NCAPH: variants seen among roughly 807,000 people sequenced by gnomAD.
NCAPH encodes non-SMC condensin I complex subunit H.
In NCAPH, 38 loss-of-function variants were observed where a neutral mutation model predicts 85.5. The observed-to-expected ratio is 0.44, with a 90% CI of 0.34 to 0.58. The LOEUF (loss-of-function observed/expected upper bound fraction) is 0.58, where lower values mean the gene tolerates loss of function less well. NCAPH is among the 20% of genes least tolerant of loss of function. NCAPH has a pLI of 0.01. For synonymous variants in NCAPH, 301 were observed against 335.1 expected (o/e 0.90, Z 1.11); for missense variants, 789 against 916.6 (o/e 0.86, Z 1.80).
In NCAPH at chr2:96,366,043, AGCT is replaced by A. The variant is rs771784061; in HGVS notation, c.1868_1870del (p.Ala623del). 3 of 1,614,234 alleles carry A rather than the reference AGCT, an allele frequency of 1.9e-6. No homozygotes were observed. In the Admixed American group the frequency reaches 5.0e-5, roughly 27 times the overall value. On this transcript the variant is annotated inframe_deletion, in exon 14 of 18. Coordinates refer to ENST00000240423, the MANE Select transcript of NCAPH (RefSeq NM_015341.5). ...CAACATATGGGGAGTCAAACTTGGT[AGCT>A]GAGCCTCAGAAGGTACGGATGAAAC...
chr2:96,374,559 T>C lies in NCAPH; in HGVS notation c.*1208T>C, dbSNP rs572611442. On this transcript the variant is annotated 3_prime_UTR_variant, in exon 18 of 18. Transcript: ENST00000240423. ...AAGCAGTGAAGTATATAATTGGAAATTGCTCCTGATAATAACTTCCTTCTT... is the reference window on the plus strand; with the variant it reads ...AAGCAGTGAAGTATATAATTGGAAACTGCTCCTGATAATAACTTCCTTCTT... Among the ~76,000 whole-genome samples the C allele has an allele frequency of 1.3e-5, 2 of 152,266 alleles. No homozygotes were observed. Among genetic ancestry groups the C allele is most frequent in the Admixed American group, 6.5e-5 (1 of 15,298 alleles).
chr2:96,357,107 A>C (rs1287900629), intron 9 of NCAPH, among the ~76,000 whole-genome samples: 1 of 152,222 alleles, frequency 6.6e-6, no homozygotes, highest in East Asian at 1.9e-4. Flanking sequence ...TCGGAGGTCA[A>C]AGCCCAGAAC....
At chr2:96,348,705 G>T (rs922746366) in intron 6 of NCAPH, among the ~76,000 whole-genome samples, 1 of 151,882 alleles carries the variant, frequency 6.6e-6, no homozygotes, top group South Asian at 2.1e-4. Flanking sequence ...GCCCAGGCTG[G>T]AGTGCAGTGG....
Position 96,359,066 on chromosome 2 carries a change from G to C in NCAPH, c.1230G>C (p.Gly410=). ...QSCQEEMISL[G]DGDIRTMCPL... ...ACAGGGAAGAAATGATTTCCCTTGG[G>C]GATGGAGACATCAGGACCATGTGCC... is the stretch of plus-strand genomic sequence containing the variant. The change falls in exon 10 of 18, where the codon GGG becomes GGC. Residue 410 remains glycine (G), a synonymous_variant. Coordinates refer to ENST00000240423, the MANE Select transcript of NCAPH (RefSeq NM_015341.5). 1 of 1,614,108 alleles carries C rather than the reference G, an allele frequency of 6.2e-7. No individual in the cohort carries two copies. The highest frequency in any genetic ancestry group is 8.5e-7 in the Non-Finnish European group (1 of 1,179,988).
chr2:96,362,875 A>T (rs1232479244), intron 12 of NCAPH, among the ~76,000 whole-genome samples: 2 of 152,188 alleles, frequency 1.3e-5, no homozygotes, highest in Non-Finnish European at 2.9e-5. Flanking sequence ...AAAGATTTAG[A>T]ATGTTACATA....
chr2:96,369,120 G>C (rs767940613), intron 16 of NCAPH, 57 bp downstream of exon 16: 2 of 1,492,430 alleles, frequency 1.3e-6, no homozygotes, highest in Non-Finnish European at 1.8e-6. Flanking sequence ...AGCTGTCCGC[G>C]TGGCAGGCCT....
At chr2:96,350,524 G>C (rs148262752) in intron 6 of NCAPH, among the ~76,000 whole-genome samples, 1 of 152,172 alleles carries the variant, frequency 6.6e-6, no homozygotes, top group Non-Finnish European at 1.5e-5. Flanking sequence ...TTTAGGATGG[G>C]AATTGGGAGA....
At chr2:96,340,004 C>T (rs1236790827) in intron 1 of NCAPH, among the ~76,000 whole-genome samples, 1 of 152,116 alleles carries the variant, frequency 6.6e-6, no homozygotes, top group African/African-American at 2.4e-5. Context: ...CTCACTACAG[C>T]CTCCGTCTCC....
intron 1 of NCAPH, among the ~76,000 whole-genome samples, chr2:96,338,715 A>C (rs139724890): frequency 1.4e-4 from 21 of 152,260 alleles, no homozygotes; most frequent in African/African-American, 4.6e-4. Context: ...CTGAAGCTGC[A>C]AAAGGCGAGG....
intron 9 of NCAPH, among the ~76,000 whole-genome samples, chr2:96,355,583 T>C (rs1465092944): frequency 1.3e-5 from 2 of 152,036 alleles, no homozygotes; most frequent in Admixed American, 1.3e-4. Context: ...GGAATTGTAC[T>C]GTTCACATGG....
intron 8 of NCAPH, 52 bp from the exon 9 acceptor site, chr2:96,354,131 T>G: frequency 1.9e-6 from 3 of 1,541,260 alleles, no homozygotes; most frequent in Non-Finnish European, 2.7e-6. Context: ...CCAGTGGTGA[T>G]TTGGGGTGGT....
chr2:96,366,477 T>C (rs1400034399), intron 14 of NCAPH, among the ~76,000 whole-genome samples: 1 of 152,240 alleles, frequency 6.6e-6, no homozygotes, highest in Non-Finnish European at 1.5e-5. Context: ...TGCCTTTATA[T>C]TTGATTCATT....
chr2:96,345,475 G>C (rs964876747), intron 6 of NCAPH, among the ~76,000 whole-genome samples: 1 of 152,240 alleles, frequency 6.6e-6, no homozygotes, highest in Non-Finnish European at 1.5e-5. Flanking sequence ...GCTGCAGCCG[G>C]GGTGGAACAC....
In NCAPH at chr2:96,365,985, G is replaced by A. The variant is rs758448675; in HGVS notation, c.1808G>A (p.Gly603Asp). Reference protein sequence around the residue: ...CHPPKTAQQNGDTPEAQGLDI... With the variant: ...CHPPKTAQQNDDTPEAQGLDI... Reference sequence around the variant, plus strand: ...CCACCTAAGACAGCACAACAGAATGGTGACACTCCAGAAGCCCAAGGATTA... The same window carrying A: ...CCACCTAAGACAGCACAACAGAATGATGACACTCCAGAAGCCCAAGGATTA... Residue 603 changes from glycine (G) to aspartate (D), a missense_variant, in exon 14 of 18, where the codon GGT (glycine) becomes GAT (aspartate). Transcript: ENST00000240423. 6 of 1,614,194 alleles carry A rather than the reference G, an allele frequency of 3.7e-6. No individual in the cohort carries two copies. The highest frequency in any genetic ancestry group is 2.2e-5 in the South Asian group (2 of 91,082).
chr2:96,345,552 T>A (rs950006809), intron 6 of NCAPH, among the ~76,000 whole-genome samples: 1 of 152,218 alleles, frequency 6.6e-6, no homozygotes, highest in African/African-American at 2.4e-5. Context: ...CCTTGGAGCC[T>A]GTAGTCTCCC....
At chr2:96,367,178 A>G in intron 14 of NCAPH, 79 bp from the exon 15 acceptor site, 1 of 988,136 alleles carries the variant, frequency 1.0e-6, no homozygotes, top group East Asian at 2.5e-5. Flanking sequence ...GTTGAACTCC[A>G]GACCTTTGTT....
At chr2:96,357,297 T>TG in intron 9 of NCAPH, among the ~76,000 whole-genome samples, 1 of 152,334 alleles carries the variant, frequency 6.6e-6, no homozygotes, top group South Asian at 2.1e-4. Context: ...AGAGTTTTCC[T>TG]GGAGGGACTG....
Position 96,353,292 on chromosome 2 carries a change from G to A in NCAPH, c.911-14G>A. ...CCTTCTAATCTCTCTTTGTGATCTTGCTATCCTCTCCAGCGCCCTTGCAGC... is the reference window on the plus strand; with the variant it reads ...CCTTCTAATCTCTCTTTGTGATCTTACTATCCTCTCCAGCGCCCTTGCAGC... On this transcript the variant is annotated splice_polypyrimidine_tract_variant and intron_variant, in intron 7 of 17. Coordinates refer to ENST00000240423, the MANE Select transcript of NCAPH (RefSeq NM_015341.5). 6.2e-7 allele frequency: 1 copy of A among 1,611,240 alleles called. No homozygotes were observed. The highest frequency in any genetic ancestry group is 8.5e-7 in the Non-Finnish European group (1 of 1,177,462).
intron 6 of NCAPH, among the ~76,000 whole-genome samples, chr2:96,345,257 G>C (rs1441940558): frequency 6.6e-6 from 1 of 152,222 alleles, no homozygotes; most frequent in Non-Finnish European, 1.5e-5. Flanking sequence ...TGAGCTTGGA[G>C]TGGGGGCCCC....
Sources: allele counts gnomAD v4.1 joint callset (sites outside exome capture counted in the v4.1 genomes callset), GRCh38; gene constraint gnomAD v4.1.1; transcripts MANE v1.5; gene names NCBI Gene and HGNC (gene_info 2026-07-23, HGNC 2026-07-21).